Variants in LRRC7 observed in about 807,000 individuals in gnomAD.
The protein encoded by LRRC7 is leucine rich repeat containing 7, also known as leucine-rich repeat-containing protein 7.
A neutral mutation model predicts 175.7 loss-of-function variants in LRRC7; 23 were observed. The ratio of observed to expected loss-of-function variants is 0.13; its 90% CI spans 0.09 to 0.19. LRRC7 has a LOEUF of 0.19. LRRC7 is among the 10% of genes least tolerant of loss of function. The probability of loss-of-function intolerance (pLI) is 1.00; values close to 1 mark genes in which losing one functional copy is unlikely to be tolerated. For synonymous variants in LRRC7, 685 were observed against 680.9 expected, an observed-to-expected ratio of 1.01 and a Z score of -0.09; for missense variants, 1,354 against 1,904.7, an observed-to-expected ratio of 0.71 and a Z score of 5.38.
chr1:69,634,653 GA>G (rs1487876076), intron 1 of LRRC7, among the ~76,000 whole-genome samples: 1 of 152,074 alleles, frequency 6.6e-6, no homozygotes, highest in Admixed American at 6.6e-5. Context: ...TTATGTCTAT[GA>G]AATCCAAATT....
At chr1:69,599,718 C>T (rs1005714115) in intron 1 of LRRC7, among the ~76,000 whole-genome samples, 1 of 152,142 alleles carries the variant, frequency 6.6e-6, no homozygotes, top group East Asian at 1.9e-4. Context: ...CCTTTTTCTT[C>T]CTTGCTGGCA....
intron 8 of LRRC7, among the ~76,000 whole-genome samples, chr1:69,946,451 T>C (rs1182038686): frequency 6.6e-6 from 1 of 151,954 alleles, no homozygotes; most frequent in African/African-American, 2.4e-5. Flanking sequence ...TTTTGGGTAT[T>C]TTTTTTATTG....
intron 2 of LRRC7, among the ~76,000 whole-genome samples, chr1:69,690,768 A>G (rs537598614): frequency 2.0e-5 from 3 of 152,210 alleles, no homozygotes; most frequent in African/African-American, 7.2e-5. Flanking sequence ...GATGAAGGAG[A>G]CCCTCAAATC....
chr1:69,803,639 A>T (rs1676777744), intron 4 of LRRC7, among the ~76,000 whole-genome samples: 1 of 151,456 alleles, frequency 6.6e-6, no homozygotes, highest in Non-Finnish European at 1.5e-5. Context: ...CAACCAGCAG[A>T]TTCTTTTGCG....
chr1:69,849,103 A>G (rs568156134), intron 7 of LRRC7, among the ~76,000 whole-genome samples: 15 of 152,154 alleles, frequency 9.9e-5, no homozygotes, highest in African/African-American at 3.6e-4. Context: ...TTTACTACTT[A>G]ACAGCAATCT....
intron 3 of LRRC7, among the ~76,000 whole-genome samples, chr1:69,764,819 G>C (rs1158485419): frequency 6.6e-6 from 1 of 151,862 alleles, no homozygotes; most frequent in African/African-American, 2.4e-5. Flanking sequence ...GATGATGTCA[G>C]TGGAATACCT....
rs1645926692 is a variant in LRRC7, at chr1:69,894,611, A to G, written c.648-36896A>G. 3.3e-5 allele frequency among the ~76,000 whole-genome samples: 5 copies of G among 152,254 alleles called. No individual in the cohort carries two copies. In the South Asian group the frequency reaches 1.0e-3, roughly 31 times the overall value. ...AACCTAAATGTCTATGGACAGATGA[A>G]TAAAAAATGTGGCATTTGTACACAT... is the stretch of plus-strand genomic sequence containing the variant. On this transcript the variant is annotated intron_variant, in intron 7 of 26. Coordinates refer to ENST00000651989, the MANE Select transcript of LRRC7 (RefSeq NM_001370785.2).
chr1:70,061,728 A>G (rs1661592963), intron 23 of LRRC7, among the ~76,000 whole-genome samples: 1 of 152,172 alleles, frequency 6.6e-6, no homozygotes, highest in Non-Finnish European at 1.5e-5. Flanking sequence ...ATGTGTCCAA[A>G]TAAAAAGAGC....
At chr1:69,752,017 G>A (rs748742332) in intron 2 of LRRC7, among the ~76,000 whole-genome samples, 21 of 152,024 alleles carry the variant, frequency 1.4e-4, no homozygotes, top group Non-Finnish European at 2.8e-4. Context: ...CAGACTTTCC[G>A]ATATTGTGAT....
intron 1 of LRRC7, among the ~76,000 whole-genome samples, chr1:69,626,062 C>A (rs1651472536): frequency 6.6e-6 from 1 of 152,064 alleles, no homozygotes; most frequent in South Asian, 2.1e-4. Flanking sequence ...ATTCTATAAA[C>A]TTTTACTTAA....
chr1:69,707,350 C>A (rs1664164929), intron 2 of LRRC7, among the ~76,000 whole-genome samples: 1 of 152,142 alleles, frequency 6.6e-6, no homozygotes, highest in South Asian at 2.1e-4. Flanking sequence ...CCCTCTTCAT[C>A]CCTCTGCTGA....
intron 1 of LRRC7, among the ~76,000 whole-genome samples, chr1:69,644,872 AC>A (rs1654775865): frequency 6.6e-6 from 1 of 152,000 alleles, no homozygotes; most frequent in African/African-American, 2.4e-5. Flanking sequence ...AAGGAGAAAA[AC>A]CTTGTGACCA....
At chr1:70,013,313 T>A (rs1243754238) in intron 13 of LRRC7, among the ~76,000 whole-genome samples, 1 of 151,918 alleles carries the variant, frequency 6.6e-6, no homozygotes, top group African/African-American at 2.4e-5. Context: ...ATTAAAATTA[T>A]ATAAATATGA....
At chr1:69,720,868 G>C (rs12044924) in intron 2 of LRRC7, among the ~76,000 whole-genome samples, 2 of 151,558 alleles carry the variant, frequency 1.3e-5, no homozygotes, top group African/African-American at 4.8e-5. Context: ...TAACATAAAA[G>C]TTACCATCTA....
chr1:69,637,012 A>C (rs1653469497), intron 1 of LRRC7, among the ~76,000 whole-genome samples: 1 of 151,628 alleles, frequency 6.6e-6, no homozygotes, highest in Non-Finnish European at 1.5e-5. Flanking sequence ...TTTGGTATAA[A>C]AGTTACAGTG....
chr1:69,798,142 G>A (rs998704388), intron 4 of LRRC7, among the ~76,000 whole-genome samples: 1 of 151,938 alleles, frequency 6.6e-6, no homozygotes, highest in Admixed American at 6.6e-5. Flanking sequence ...GGCTGGTCTC[G>A]AACTCCTGAC....
intron 1 of LRRC7, among the ~76,000 whole-genome samples, chr1:69,570,620 A>G (rs949048266): frequency 5.9e-5 from 9 of 152,110 alleles, no homozygotes; most frequent in Admixed American, 1.3e-4. Flanking sequence ...GCTTCCTTGA[A>G]TTGGCTTCCA....
intron 11 of LRRC7, among the ~76,000 whole-genome samples, chr1:70,002,001 C>T (rs1028219231): frequency 6.6e-5 from 10 of 152,038 alleles, no homozygotes; most frequent in Non-Finnish European, 1.3e-4. Context: ...ATATGTGATG[C>T]GTCTTTATAT....
intron 4 of LRRC7, among the ~76,000 whole-genome samples, chr1:69,822,476 T>C (rs1235345798): frequency 6.6e-6 from 1 of 152,166 alleles, no homozygotes; most frequent in Non-Finnish European, 1.5e-5. Context: ...AATATACAGC[T>C]CTTTGTTAAG....
Sources: allele counts gnomAD v4.1 joint callset (sites outside exome capture counted in the v4.1 genomes callset), GRCh38; gene constraint gnomAD v4.1.1; transcripts MANE v1.5; gene names NCBI Gene and HGNC (gene_info 2026-07-23, HGNC 2026-07-21).